Variants in WDR72 observed in about 807,000 individuals in gnomAD.
WDR72 encodes WD repeat-containing protein 72.
WDR72 carries 120 observed loss-of-function variants against 124.2 expected under a neutral mutation model. That is an observed-to-expected ratio of 0.97 (90% CI 0.83 to 1.12). The LOEUF is 1.12. Among genes scored for constraint, WDR72 ranks in the 50% most tolerant of loss-of-function variants. The pLI is 0.00. For missense variants in WDR72, 1,387 were observed against 1,278.8 expected (o/e 1.08, Z -1.29); for synonymous variants, 452 against 441.7 (o/e 1.02, Z -0.29).
intron 14 of WDR72, among the ~76,000 whole-genome samples, chr15:53,630,798 C>A (rs1038121375): frequency 1.3e-5 from 2 of 152,126 alleles, no homozygotes; most frequent in Non-Finnish European, 2.9e-5. Flanking sequence ...AGGTCAGGAA[C>A]AGGACAAGTA....
intron 13 of WDR72, among the ~76,000 whole-genome samples, chr15:53,683,229 G>A (rs1345404373): frequency 6.6e-6 from 1 of 152,090 alleles, no homozygotes; most frequent in East Asian, 1.9e-4. Flanking sequence ...AACCCTATCA[G>A]GGTATACACA....
At chr15:53,676,770 G>A (rs2016186925) in intron 13 of WDR72, among the ~76,000 whole-genome samples, 1 of 152,146 alleles carries the variant, frequency 6.6e-6, no homozygotes, top group Non-Finnish European at 1.5e-5. Context: ...ACAATAAATA[G>A]GTGTTGTTTT....
Position 53,516,319 on chromosome 15 carries a change from A to ATAAG in WDR72, c.*1376_*1379dup, listed in dbSNP as rs769368172. 1 of 152,140 alleles carries ATAAG rather than the reference A, an allele frequency of 6.6e-6. No homozygotes were observed. Among genetic ancestry groups the ATAAG allele is most frequent in the African/African-American group, 2.4e-5 (1 of 41,448 alleles). The allele number at this position is 152,140 out of a possible 1,614,324, so 9.4% of individuals were successfully genotyped here. A position where few individuals can be genotyped will look rare whatever the true frequency, so the allele number is the denominator to read the frequency against. Reference sequence around the variant, plus strand: ...ATGTTTATTCAGATCATCATTAATTATAAGTTCCTTAAGGGTGCAGCCCAC... The same window carrying ATAAG: ...ATGTTTATTCAGATCATCATTAATTATAAGTAAGTTCCTTAAGGGTGCAGCCCAC... On this transcript the variant is annotated 3_prime_UTR_variant, in exon 20 of 20. Transcript: ENST00000360509.
At chr15:53,697,593 C>T (rs1274965341) in intron 13 of WDR72, among the ~76,000 whole-genome samples, 1 of 152,160 alleles carries the variant, frequency 6.6e-6, no homozygotes, top group African/African-American at 2.4e-5. Flanking sequence ...TGGAGGCCCT[C>T]ACCATCCATT....
chr15:53,739,636 G>A (rs2018453946), intron 1 of WDR72, among the ~76,000 whole-genome samples: 1 of 152,004 alleles, frequency 6.6e-6, no homozygotes, highest in Non-Finnish European at 1.5e-5. Context: ...GGACACACAT[G>A]GGCGTGTTTT....
intron 1 of WDR72, among the ~76,000 whole-genome samples, chr15:53,758,780 G>T (rs1182476790): frequency 1.7e-5 from 2 of 118,812 alleles, no homozygotes; most frequent in African/African-American, 5.9e-5. Context: ...GGGGGGGGGG[G>T]GGCGGTGCGG....
chr15:53,539,296 G>A (rs1226038651), intron 18 of WDR72, among the ~76,000 whole-genome samples: 2 of 152,034 alleles, frequency 1.3e-5, no homozygotes, highest in Admixed American at 6.6e-5. Context: ...AGAATAAGAG[G>A]TAAGCACTAA....
intron 1 of WDR72, among the ~76,000 whole-genome samples, chr15:53,738,647 A>G (rs2018423262): frequency 6.6e-6 from 1 of 152,140 alleles, no homozygotes; most frequent in Non-Finnish European, 1.5e-5. Context: ...CCCATGCTGA[A>G]GTGCAATGGC....
intron 13 of WDR72, among the ~76,000 whole-genome samples, chr15:53,666,695 T>C (rs1181121557): frequency 6.6e-6 from 1 of 152,216 alleles, no homozygotes; most frequent in Non-Finnish European, 1.5e-5. Flanking sequence ...GTAGATGTAC[T>C]ATTTATATTG....
chr15:53,666,586 T>C (rs1020720112), intron 13 of WDR72, among the ~76,000 whole-genome samples: 1 of 152,194 alleles, frequency 6.6e-6, no homozygotes, highest in Admixed American at 6.5e-5. Flanking sequence ...AATATATAGG[T>C]TATCTCCTAC....
chr15:53,743,972 T>TC (rs1196974927), intron 1 of WDR72, among the ~76,000 whole-genome samples: 4 of 86,330 alleles, frequency 4.6e-5, no homozygotes, highest in African/African-American at 9.5e-5. Context: ...GAGACTCGTC[T>TC]CAAAAAAAAA....
chr15:53,668,935 G>GAGGAGGAGC (rs1555421477), intron 13 of WDR72, among the ~76,000 whole-genome samples: 36 of 43,272 alleles, frequency 8.3e-4, no homozygotes, highest in South Asian at 5.6e-3. Flanking sequence ...GAAGGAGGAG[G>GAGGAGGAGC]AGGAGGAGGA....
intron 18 of WDR72, among the ~76,000 whole-genome samples, chr15:53,523,849 G>A (rs1242816484): frequency 2.0e-5 from 3 of 151,968 alleles, no homozygotes; most frequent in Non-Finnish European, 4.4e-5. Context: ...ATTTTAAAAT[G>A]TAGCATGAAT....
At chr15:53,683,043 A>G (rs79059634) in intron 13 of WDR72, among the ~76,000 whole-genome samples, 4,118 of 152,276 alleles carry the variant, frequency 0.027, 106 homozygotes, top group East Asian at 0.069. Context: ...AGTGTAAAGG[A>G]GCAACTTCCA....
chr15:53,586,383 G>C (rs2012215313), intron 18 of WDR72, among the ~76,000 whole-genome samples: 1 of 151,998 alleles, frequency 6.6e-6, no homozygotes, highest in Admixed American at 6.6e-5. Context: ...CCAAAGTTTT[G>C]AAATTATGTT....
At chr15:53,554,201 T>C (rs1309792392) in intron 18 of WDR72, among the ~76,000 whole-genome samples, 1 of 152,188 alleles carries the variant, frequency 6.6e-6, no homozygotes, top group Non-Finnish European at 1.5e-5. Flanking sequence ...CTCTTCATGT[T>C]AAACTCTTGC....
At chr15:53,605,204 C>G (rs781210206) in intron 17 of WDR72, among the ~76,000 whole-genome samples, 1 of 152,080 alleles carries the variant, frequency 6.6e-6, no homozygotes, top group Non-Finnish European at 1.5e-5. Flanking sequence ...TGGATGGAGT[C>G]GGCGGCCATT....
In WDR72 at chr15:53,615,513, G is replaced by C. The variant is rs2013719506; in HGVS notation, c.2693C>G (p.Ser898Ter). The change falls in exon 15 of 20, where the codon TCA (serine) becomes TGA (stop). Residue 898 changes from serine to a stop codon, truncating the protein, a stop_gained. Transcript: ENST00000360509. LOFTEE classifies it high-confidence loss of function. ...GCTCAACAAATAAACTATAGTATCT[G>C]ACTCTCGCAAAGAATCACAATTATT... ...LENNCDSLRE[S>*]DTIVYLLSRL... 6.2e-7 allele frequency: 1 copy of C among 1,612,710 alleles called. No individual in the cohort carries two copies. Among genetic ancestry groups the C allele is most frequent in the Non-Finnish European group, 8.5e-7 (1 of 1,179,360 alleles).
intron 11 of WDR72, 117 bp from the exon 12 acceptor site, chr15:53,702,471 C>A: frequency 1.2e-6 from 1 of 835,184 alleles, no homozygotes; most frequent in Non-Finnish European, 1.9e-6. Context: ...AAAGCATGCA[C>A]TTGGCTAAGA....
Sources: allele counts gnomAD v4.1 joint callset (sites outside exome capture counted in the v4.1 genomes callset), GRCh38; gene constraint gnomAD v4.1.1; transcripts MANE v1.5; gene names NCBI Gene and HGNC (gene_info 2026-07-23, HGNC 2026-07-21).